The following NXPH1 variants were observed in gnomAD, a reference collection of about 807,000 sequenced individuals.
The protein encoded by NXPH1 is neurexophilin 1, also known as neurexophilin-1.
A neutral mutation model predicts 23.7 loss-of-function variants in NXPH1; 5 were observed. That is an observed-to-expected ratio of 0.21 (90% CI 0.11 to 0.44). The LOEUF is 0.44. NXPH1 is among the 20% of genes least tolerant of loss of function. The pLI is 0.99. For synonymous variants in NXPH1, 144 were observed against 122.2 expected, an observed-to-expected ratio of 1.18 and a Z score of -1.18; for missense variants, 324 against 321.6, an observed-to-expected ratio of 1.01 and a Z score of -0.06.
Position 8,751,146 on chromosome 7 carries a change from G to C in NXPH1, c.193G>C (p.Gly65Arg), listed in dbSNP as rs1273424834. The change falls in exon 3 of 3, where the codon GGC becomes CGC. Residue 65 changes from glycine to arginine, a missense_variant. Coordinates refer to ENST00000405863, the MANE Select transcript of NXPH1 (RefSeq NM_152745.3). This position sits in a 1 kb window ranked among gnomAD's most constrained non-coding sequence, Gnocchi z 4.5. ...CCGACTCCTGTCACAGACTTTTCGTGGCAAAGAGAATGATACAGATTTGGA... is the reference window on the plus strand; with the variant it reads ...CCGACTCCTGTCACAGACTTTTCGTCGCAAAGAGAATGATACAGATTTGGA... ...ISRLLSQTFRGKENDTDLDLR... is the reference protein window; with the variant it reads ...ISRLLSQTFRRKENDTDLDLR... 1 of 1,613,682 alleles carries C rather than the reference G, an allele frequency of 6.2e-7. No individual in the cohort carries two copies. The highest frequency in any genetic ancestry group is 1.3e-5 in the African/African-American group (1 of 74,904).
At chr7:8,641,675 G>A (rs1324974269) in intron 2 of NXPH1, among the ~76,000 whole-genome samples, 3 of 152,100 alleles carry the variant, frequency 2.0e-5, no homozygotes, top group African/African-American at 7.2e-5. Flanking sequence ...CTTGAGGGAT[G>A]AGAATTTCCA....
intron 2 of NXPH1, among the ~76,000 whole-genome samples, chr7:8,437,617 C>G (rs1225800225): frequency 6.6e-6 from 1 of 152,202 alleles, no homozygotes; most frequent in Non-Finnish European, 1.5e-5. Context: ...GAAGTGAAAT[C>G]AATACTTTGT....
chr7:8,454,636 T>C (rs76827012), intron 2 of NXPH1, among the ~76,000 whole-genome samples: 1,526 of 152,238 alleles, frequency 0.01, 25 homozygotes, highest in African/African-American at 0.034. Context: ...CTCTATGATA[T>C]ACTCAAAATT....
chr7:8,482,425 T>C (rs1025834663), intron 2 of NXPH1, among the ~76,000 whole-genome samples: 2 of 152,214 alleles, frequency 1.3e-5, no homozygotes, highest in Non-Finnish European at 2.9e-5. Context: ...GAAGTACTTA[T>C]TGTTTATATG....
chr7:8,686,271 G>A (rs1431155260), intron 2 of NXPH1, among the ~76,000 whole-genome samples: 1 of 151,952 alleles, frequency 6.6e-6, no homozygotes, highest in Non-Finnish European at 1.5e-5. Context: ...TCAAGTGTTT[G>A]GATGTTTCTT....
At chr7:8,509,945 G>C (rs1025717973) in intron 2 of NXPH1, among the ~76,000 whole-genome samples, 5 of 152,114 alleles carry the variant, frequency 3.3e-5, no homozygotes, top group Admixed American at 6.6e-5. Context: ...ACTTCATCAG[G>C]AAAAAGTGAG....
intron 2 of NXPH1, among the ~76,000 whole-genome samples, chr7:8,640,242 A>C (rs1476134536): frequency 6.6e-6 from 1 of 152,080 alleles, no homozygotes; most frequent in Non-Finnish European, 1.5e-5. Context: ...TCTGTATTTT[A>C]AATGCTTCTA....
Position 8,527,292 on chromosome 7 carries a change from A to G in NXPH1, c.54+91525A>G, listed in dbSNP as rs138069330. Among the ~76,000 whole-genome samples the G allele has an allele frequency of 4.3e-3, 660 of 152,252 alleles. 29 individuals carry two copies. The highest frequency in any genetic ancestry group is 0.035 in the Admixed American group (536 of 15,294). On this transcript the variant is annotated intron_variant, in intron 2 of 2. Coordinates refer to ENST00000405863, the MANE Select transcript of NXPH1 (RefSeq NM_152745.3). ...GCAGCCTCAGCTTTTGCTTTCTTGG[A>G]TGCACTCCAGAGGATGAAATTCTGA...
intron 2 of NXPH1, among the ~76,000 whole-genome samples, chr7:8,482,615 G>A (rs531083870): frequency 6.6e-6 from 1 of 152,168 alleles, no homozygotes; most frequent in South Asian, 2.1e-4. Flanking sequence ...AGACTTGACA[G>A]GTATGCCTCC....
intron 2 of NXPH1, among the ~76,000 whole-genome samples, chr7:8,560,613 G>T (rs533194306): frequency 4.6e-5 from 7 of 151,644 alleles, no homozygotes; most frequent in African/African-American, 1.5e-4. Context: ...ATCAAGGAAG[G>T]GGGAGAGTGA....
chr7:8,747,858 G>A (rs1780497313), intron 2 of NXPH1, among the ~76,000 whole-genome samples: 1 of 152,188 alleles, frequency 6.6e-6, no homozygotes, highest in Admixed American at 6.5e-5. Flanking sequence ...TAGCTACTCT[G>A]TGTTACAGAA....
chr7:8,690,733 A>G (rs1033256305), intron 2 of NXPH1, among the ~76,000 whole-genome samples: 2 of 152,220 alleles, frequency 1.3e-5, no homozygotes, highest in African/African-American at 4.8e-5. Flanking sequence ...CAAACTTGAG[A>G]AATAAACAAT....
At chr7:8,713,764 G>A (rs150749295) in intron 2 of NXPH1, among the ~76,000 whole-genome samples, 2,384 of 152,264 alleles carry the variant, frequency 0.016, 43 homozygotes, top group Admixed American at 0.021. Flanking sequence ...AGAATTCTCT[G>A]GATTACCAGG....
chr7:8,568,860 T>G (rs529790041), intron 2 of NXPH1, among the ~76,000 whole-genome samples: 58 of 151,906 alleles, frequency 3.8e-4, no homozygotes, highest in Admixed American at 2.2e-3. Flanking sequence ...GTGCAGTGTT[T>G]GATATCTTTG....
At chr7:8,564,625 T>A (rs1818507926) in intron 2 of NXPH1, among the ~76,000 whole-genome samples, 2 of 151,800 alleles carry the variant, frequency 1.3e-5, no homozygotes, top group African/African-American at 4.8e-5. Context: ...GAAGAGAAAA[T>A]CAAGAAGGAG....
At chr7:8,668,277 TGTTG>T (rs1562448825) in intron 2 of NXPH1, among the ~76,000 whole-genome samples, 1 of 136,936 alleles carries the variant, frequency 7.3e-6, no homozygotes, top group East Asian at 2.4e-4. Flanking sequence ...TTTATTTTGT[TGTTG>T]TTGTTGTCTT....
intron 2 of NXPH1, among the ~76,000 whole-genome samples, chr7:8,474,978 G>A (rs1049448802): frequency 1.3e-5 from 2 of 152,132 alleles, no homozygotes; most frequent in African/African-American, 4.8e-5. Flanking sequence ...CCAGGTCTGA[G>A]AGCAGAAATG....
At chr7:8,611,168 A>T (rs375895472) in intron 2 of NXPH1, among the ~76,000 whole-genome samples, 1 of 152,122 alleles carries the variant, frequency 6.6e-6, no homozygotes, top group Non-Finnish European at 1.5e-5. Flanking sequence ...ATACATGTAT[A>T]CAAATTATGA....
chr7:8,562,277 T>A lies in NXPH1; in HGVS notation c.54+126510T>A, dbSNP rs567903725. On this transcript the variant is annotated intron_variant, in intron 2 of 2. Coordinates refer to ENST00000405863, the MANE Select transcript of NXPH1 (RefSeq NM_152745.3). The stretch of plus-strand genomic sequence containing the variant: ...GGTTGGAACAGTTGGAAAGGCCAGA[T>A]GGAAAATATTGATCCTCAAAAAATC... Among the ~76,000 whole-genome samples, 3 of 151,832 alleles carry A rather than the reference T, an allele frequency of 2.0e-5. No individual in the cohort carries two copies. The East Asian group carries it at 5.9e-4, about 30-fold the overall frequency.
Sources: gnomAD v4.1 joint callset for allele counts (sites outside exome capture counted in the v4.1 genomes callset) on GRCh38, gnomAD v4.1.1 for gene constraint, Gnocchi (gnomAD v3.1) non-coding constraint, MANE v1.5 for transcripts, NCBI Gene and HGNC (gene_info 2026-07-23, HGNC 2026-07-21) for gene names.